Variants in TRDN observed in about 807,000 individuals in gnomAD.
TRDN encodes triadin in skeletal muscle.
In TRDN, 161 loss-of-function variants were observed where a neutral mutation model predicts 149.7. The observed-to-expected ratio is 1.08, with a 90% CI of 0.95 to 1.23. The LOEUF is 1.23. Among genes scored for constraint, TRDN ranks in the 50% most tolerant of loss-of-function variants. The probability of loss-of-function intolerance (pLI) is 0.00; values close to 1 mark genes in which losing one functional copy is unlikely to be tolerated. For missense variants in TRDN, 896 were observed against 823.5 expected, an observed-to-expected ratio of 1.09 and a Z score of -1.08; for synonymous variants, 294 against 250.5, an observed-to-expected ratio of 1.17 and a Z score of -1.64.
intron 10 of TRDN, among the ~76,000 whole-genome samples, chr6:123,444,814 G>T (rs1775207951): frequency 2.0e-5 from 3 of 152,136 alleles, no homozygotes; most frequent in Non-Finnish European, 4.4e-5. Flanking sequence ...TTATATGCTG[G>T]ATTACATTTA....
intron 36 of TRDN, 64 bp from the exon 37 acceptor site, chr6:123,255,189 G>T: frequency 1.3e-6 from 1 of 791,012 alleles, no homozygotes. Flanking sequence ...TCAAAATTTT[G>T]TCTCACATCA....
At chr6:123,378,663 A>T (rs2114406437) in intron 16 of TRDN, among the ~76,000 whole-genome samples, 2 of 152,304 alleles carry the variant, frequency 1.3e-5, no homozygotes, top group Middle Eastern at 6.8e-3. Context: ...GAAGATTAGC[A>T]CATTTCACGT....
intron 19 of TRDN, among the ~76,000 whole-genome samples, chr6:123,369,092 G>C (rs921791268): frequency 6.6e-6 from 1 of 152,088 alleles, no homozygotes; most frequent in African/African-American, 2.4e-5. Flanking sequence ...AAAGGATCTT[G>C]GGAAGAATCC....
chr6:123,379,537 T>C lies in TRDN; in HGVS notation c.1187-1639A>G, dbSNP rs563271236. ...AATTTGTGATGACAGTCACAAACAG[T>C]GATAACAGTCAAAAAAGTACTGGAA... On this transcript the variant is annotated intron_variant, in intron 16 of 40. Coordinates refer to ENST00000334268, the MANE Select transcript of TRDN (RefSeq NM_006073.4). Among the ~76,000 whole-genome samples, 15 of 152,272 alleles carry C rather than the reference T, an allele frequency of 9.9e-5. 1 individual carries two copies. The South Asian group carries it at 2.9e-3, about 29-fold the overall frequency.
intron 24 of TRDN, among the ~76,000 whole-genome samples, chr6:123,314,947 A>C (rs957429540): frequency 5.3e-5 from 8 of 151,994 alleles, no homozygotes; most frequent in Non-Finnish European, 5.9e-5. Context: ...CCCATGACAC[A>C]TCTTTGCCCG....
chr6:123,351,460 A>G (rs1475819384), intron 21 of TRDN: 1 of 984,328 alleles, frequency 1.0e-6, no homozygotes, highest in East Asian at 1.1e-4. Context: ...TCAAAAAGAA[A>G]CCAACAGAAA....
chr6:123,552,068 A>G (rs1562382769), intron 2 of TRDN, among the ~76,000 whole-genome samples: 1 of 152,162 alleles, frequency 6.6e-6, no homozygotes, highest in African/African-American at 2.4e-5. Context: ...GCCTTGAAGT[A>G]TCCAATGTTG....
At position 123,437,033 on chromosome 6, in the gene TRDN, T is replaced by C. The variant is rs559811608; in HGVS notation, c.1051+1030A>G. 3.8e-4 allele frequency among the ~76,000 whole-genome samples: 58 copies of C among 152,258 alleles called. No homozygotes were observed. In the South Asian group the frequency reaches 0.012, roughly 30 times the overall value. On this transcript the variant is annotated intron_variant, in intron 12 of 40. Coordinates refer to ENST00000334268, the MANE Select transcript of TRDN (RefSeq NM_006073.4). ...AGATGATTGTCTTTTCCATGTAAAC[T>C]TAAGCCTAACCTGAATCGAAGCCAA...
chr6:123,331,416 G>T (rs943648471), intron 23 of TRDN, among the ~76,000 whole-genome samples: 2 of 152,052 alleles, frequency 1.3e-5, no homozygotes, highest in Non-Finnish European at 2.9e-5. Context: ...TTGTCTGTAA[G>T]ACAAGAGGAT....
intron 27 of TRDN, among the ~76,000 whole-genome samples, chr6:123,273,824 A>T (rs1174751413): frequency 6.6e-6 from 1 of 152,078 alleles, no homozygotes. Flanking sequence ...AATAGCTACC[A>T]TAGAGCCTGA....
At chr6:123,500,376 T>C (rs879201141) in intron 8 of TRDN, among the ~76,000 whole-genome samples, 3 of 152,142 alleles carry the variant, frequency 2.0e-5, no homozygotes, top group Admixed American at 2.0e-4. Context: ...AGGTATGTGT[T>C]GGGAAGTCTC....
intron 39 of TRDN, among the ~76,000 whole-genome samples, chr6:123,222,407 G>A (rs1382636177): frequency 1.3e-5 from 2 of 151,644 alleles, no homozygotes; most frequent in African/African-American, 4.8e-5. Context: ...GAGACCTACA[G>A]TTGATCTGTA....
At position 123,401,594 on chromosome 6, in the gene TRDN, T is replaced by C. The variant is rs75623784; in HGVS notation, c.1052-7917A>G. 3.1e-3 allele frequency among the ~76,000 whole-genome samples: 466 copies of C among 152,118 alleles called. 13 individuals are homozygous for C. In the East Asian group the frequency reaches 0.076, roughly 25 times the overall value. The stretch of plus-strand genomic sequence containing the variant: ...CTGTGTGAAAAAATGCTAAATAAAG[T>C]GTATGGTACTCTGAGTTTTAGAGAT... On this transcript the variant is annotated intron_variant, in intron 12 of 40. Coordinates refer to ENST00000334268, the MANE Select transcript of TRDN (RefSeq NM_006073.4).
intron 1 of TRDN, among the ~76,000 whole-genome samples, chr6:123,620,541 G>T (rs1024208343): frequency 1.3e-5 from 2 of 151,182 alleles, no homozygotes; most frequent in Non-Finnish European, 2.9e-5. Context: ...TTTACAAATA[G>T]AATTTTTTTT....
intron 21 of TRDN, among the ~76,000 whole-genome samples, chr6:123,341,148 T>A (rs1011411654): frequency 3.9e-5 from 6 of 151,916 alleles, no homozygotes; most frequent in African/African-American, 1.4e-4. Flanking sequence ...TAAAATATTG[T>A]GTTTACAATT....
intron 21 of TRDN, among the ~76,000 whole-genome samples, chr6:123,339,790 C>A (rs77769250): frequency 0.019 from 2,966 of 152,182 alleles, 109 homozygotes; most frequent in African/African-American, 0.067. Context: ...CTCAGCTGTT[C>A]TTTTTACCGG....
chr6:123,447,988 G>A (rs961763744), intron 10 of TRDN, among the ~76,000 whole-genome samples: 14 of 152,066 alleles, frequency 9.2e-5, no homozygotes, highest in Admixed American at 4.6e-4. Flanking sequence ...AAAATGATGG[G>A]CTGTTTGCAG....
intron 30 of TRDN, 82 bp from the exon 31 acceptor site, chr6:123,269,948 T>C (rs1582803682): frequency 1.4e-6 from 2 of 1,381,888 alleles, no homozygotes; most frequent in East Asian, 4.9e-5. Flanking sequence ...TTGTATTTAC[T>C]TATTCTTAGT....
chr6:123,421,290 A>G (rs1773887609), intron 12 of TRDN, among the ~76,000 whole-genome samples: 1 of 152,170 alleles, frequency 6.6e-6, no homozygotes, highest in Non-Finnish European at 1.5e-5. Context: ...TTATTGATAT[A>G]ACTTTCTAAC....
Sources: gnomAD v4.1 joint callset for allele counts (sites outside exome capture counted in the v4.1 genomes callset) on GRCh38, gnomAD v4.1.1 for gene constraint, MANE v1.5 for transcripts, NCBI Gene and HGNC (gene_info 2026-07-23, HGNC 2026-07-21) for gene names.